Variants in MAF observed in about 807,000 individuals in gnomAD.
MAF encodes the protein MAF bZIP transcription factor.
A neutral mutation model predicts 22.0 loss-of-function variants in MAF; 10 were observed. The observed-to-expected ratio is 0.45, with a 90% CI of 0.28 to 0.77. The LOEUF (loss-of-function observed/expected upper bound fraction) is 0.77, where lower values mean the gene tolerates loss of function less well. Among genes scored for constraint, MAF ranks in the 30% least tolerant of loss-of-function variants. The pLI is 0.12. For synonymous variants in MAF, 337 were observed against 255.8 expected (o/e 1.32, Z -3.03); for missense variants, 544 against 548.4 (o/e 0.99, Z 0.08).
chr16:79,569,513 A>G, the MAF span, among the ~76,000 whole-genome samples: 4 of 152,204 alleles, frequency 2.6e-5, no homozygotes, highest in Non-Finnish European at 4.4e-5. Context: ...CCCTGTTCCA[A>G]TATCACCTGG....
At chr16:79,596,273 G>C in intron 1 of MAF, 1 of 1,059,914 alleles carries the variant, frequency 9.4e-7, no homozygotes, top group Non-Finnish European at 1.1e-6. Flanking sequence ...AAAAAAATGA[G>C]GTCATAATTT....
At chr16:79,538,997 A>G in the MAF span, among the ~76,000 whole-genome samples, 13 of 152,232 alleles carry the variant, frequency 8.5e-5, no homozygotes, top group Non-Finnish European at 2.9e-5. Flanking sequence ...GGAAGGAGGA[A>G]CAAAAACGGC....
At chr16:79,526,372 C>T in the MAF span, among the ~76,000 whole-genome samples, 2 of 152,182 alleles carry the variant, frequency 1.3e-5, no homozygotes, top group Non-Finnish European at 2.9e-5. Context: ...TCTGATGCTG[C>T]TGCTGATTTG....
the MAF span, among the ~76,000 whole-genome samples, chr16:79,454,953 A>G: frequency 6.6e-6 from 1 of 151,834 alleles, no homozygotes; most frequent in Non-Finnish European, 1.5e-5. Flanking sequence ...AAAATAAGCC[A>G]TGCATGGTGG....
chr16:79,220,288 T>C, the MAF span, among the ~76,000 whole-genome samples: 1 of 136,882 alleles, frequency 7.3e-6, no homozygotes, highest in African/African-American at 2.6e-5. Flanking sequence ...AAAGTTAAAA[T>C]GCATGCCCAG....
At chr16:79,248,235 G>T in the MAF span, among the ~76,000 whole-genome samples, 1 of 151,564 alleles carries the variant, frequency 6.6e-6, no homozygotes, top group African/African-American at 2.4e-5. Flanking sequence ...AGAGTTAAGA[G>T]AGCCACTTAG....
At chr16:79,509,417 T>A in the MAF span, among the ~76,000 whole-genome samples, 12 of 152,248 alleles carry the variant, frequency 7.9e-5, no homozygotes, top group African/African-American at 2.9e-4. Context: ...CTTCCCTCTC[T>A]GCCGTCAGCT....
the MAF span, among the ~76,000 whole-genome samples, chr16:79,298,716 C>T: frequency 4.7e-4 from 71 of 152,326 alleles, no homozygotes; most frequent in African/African-American, 1.4e-3. Context: ...ATACAGGAAG[C>T]GGAAGGCCTT....
At chr16:79,314,629 C>G in the MAF span, among the ~76,000 whole-genome samples, 2 of 152,194 alleles carry the variant, frequency 1.3e-5, no homozygotes, top group African/African-American at 4.8e-5. Context: ...AGAGCCAATT[C>G]AGGAATCTTA....
chr16:79,385,498 A>G, the MAF span, among the ~76,000 whole-genome samples: 1 of 152,244 alleles, frequency 6.6e-6, no homozygotes, highest in Admixed American at 6.5e-5. Context: ...AAAAGTCGAA[A>G]CCTTCCCTTT....
At chr16:79,356,084 C>T in the MAF span, among the ~76,000 whole-genome samples, 1,582 of 152,112 alleles carry the variant, frequency 0.01, 32 homozygotes, top group African/African-American at 0.036. Context: ...GGCACTCTCA[C>T]CTACACACCC....
chr16:79,223,796 C>G, the MAF span, among the ~76,000 whole-genome samples: 1 of 152,058 alleles, frequency 6.6e-6, no homozygotes, highest in African/African-American at 2.4e-5. Flanking sequence ...TACACCCTCC[C>G]AAGACTCAAC....
the MAF span, among the ~76,000 whole-genome samples, chr16:79,501,632 C>G: frequency 1.3e-5 from 2 of 152,154 alleles, no homozygotes; most frequent in African/African-American, 4.8e-5. Context: ...AGTGTTGATG[C>G]TGAAATTATG....
At chr16:79,558,902 C>A in the MAF span, among the ~76,000 whole-genome samples, 3 of 152,320 alleles carry the variant, frequency 2.0e-5, no homozygotes, top group African/African-American at 4.8e-5. Context: ...CCTCAGGCTT[C>A]CTTTCTCTCA....
the MAF span, among the ~76,000 whole-genome samples, chr16:79,436,158 C>T: frequency 1.3e-5 from 2 of 152,222 alleles, no homozygotes; most frequent in Non-Finnish European, 2.9e-5. Context: ...TCTCGGCTCA[C>T]TGCAACCTCT....
the MAF span, among the ~76,000 whole-genome samples, chr16:79,333,908 A>G: frequency 6.6e-6 from 1 of 152,118 alleles, no homozygotes; most frequent in Non-Finnish European, 1.5e-5. Flanking sequence ...GCAGAAACCT[A>G]TCTGATGCCG....
chr16:79,303,420 G>T, the MAF span, among the ~76,000 whole-genome samples: 11,935 of 152,208 alleles, frequency 0.078, 763 homozygotes, highest in East Asian at 0.32. Context: ...AGTGTGCAAT[G>T]TGGGAAGCAC....
At chr16:79,508,575 T>C in the MAF span, among the ~76,000 whole-genome samples, 734 of 152,352 alleles carry the variant, frequency 4.8e-3, 5 homozygotes, top group Middle Eastern at 0.017. Context: ...TCCCCAGCTC[T>C]TCCGGCTGAA....
the MAF span, among the ~76,000 whole-genome samples, chr16:79,215,541 C>T: frequency 1.3e-5 from 2 of 152,282 alleles, no homozygotes; most frequent in Admixed American, 6.5e-5. Context: ...ATGCTGGCCT[C>T]CTGCTTCCTG....
Sources: gnomAD v4.1 joint callset for allele counts (sites outside exome capture counted in the v4.1 genomes callset) on GRCh38, gnomAD v4.1.1 for gene constraint, MANE v1.5 for transcripts, NCBI Gene and HGNC (gene_info 2026-07-23, HGNC 2026-07-21) for gene names.